DYNC2H1: variants seen among roughly 807,000 people sequenced by gnomAD.
DYNC2H1 encodes the protein cytoplasmic dynein 2 heavy chain 1.
In DYNC2H1, 410 loss-of-function variants were observed where a neutral mutation model predicts 570.0. The observed-to-expected ratio is 0.72, with a 90% CI of 0.66 to 0.78. The LOEUF is 0.78. Ranked by LOEUF, DYNC2H1 falls within the 30% of genes least tolerant of loss-of-function variation. The pLI, the probability that DYNC2H1 is intolerant of heterozygous loss-of-function variation, is 0.00. For synonymous variants in DYNC2H1, 1,688 were observed against 1,677.6 expected, an observed-to-expected ratio of 1.01 and a Z score of -0.15; for missense variants, 4,865 against 5,046.4, an observed-to-expected ratio of 0.96 and a Z score of 1.09.
chr11:103,215,921 G>T, intron 55 of DYNC2H1, 63 bp downstream of exon 55: 1 of 1,538,618 alleles, frequency 6.5e-7, no homozygotes, highest in Non-Finnish European at 8.8e-7. Context: ...CTGATAGTCA[G>T]TGAAAAATAA....
intron 12 of DYNC2H1, 48 bp from the exon 13 acceptor site, chr11:103,128,862 T>C (rs1859127122): frequency 1.5e-6 from 2 of 1,352,352 alleles, no homozygotes; most frequent in Non-Finnish European, 2.0e-6. Flanking sequence ...AAATAAAAAA[T>C]TAAAAATGAA....
intron 82 of DYNC2H1, among the ~76,000 whole-genome samples, chr11:103,351,187 C>T (rs1454322184): frequency 6.6e-6 from 1 of 152,082 alleles, no homozygotes; most frequent in Non-Finnish European, 1.5e-5. Context: ...TTCAAAATGT[C>T]CTTACTCATG....
At chr11:103,218,951 A>G (rs1409309599) in intron 55 of DYNC2H1, among the ~76,000 whole-genome samples, 1 of 152,252 alleles carries the variant, frequency 6.6e-6, no homozygotes, top group African/African-American at 2.4e-5. Context: ...GGTTAATGGC[A>G]TAAAGAAAGT....
At chr11:103,273,856 T>C (rs1413042490) in intron 70 of DYNC2H1, among the ~76,000 whole-genome samples, 2 of 152,164 alleles carry the variant, frequency 1.3e-5, no homozygotes, top group Non-Finnish European at 2.9e-5. Context: ...GGTCAGGATA[T>C]CTTCTGTAAC....
chr11:103,303,308 G>A (rs1867130535), intron 76 of DYNC2H1, 55 bp downstream of exon 76: 1 of 1,552,858 alleles, frequency 6.4e-7, no homozygotes, highest in Non-Finnish European at 8.7e-7. Flanking sequence ...TCCCACACTT[G>A]ATGATATTGG....
At chr11:103,460,246 G>A (rs544060987) in intron 87 of DYNC2H1, among the ~76,000 whole-genome samples, 1 of 152,206 alleles carries the variant, frequency 6.6e-6, no homozygotes, top group East Asian at 1.9e-4. Flanking sequence ...ATTGTCAGGA[G>A]AGTGAGGGAA....
Position 103,156,618 on chromosome 11 carries a change from A to G in DYNC2H1, c.3975A>G (p.Val1325=). The change falls in exon 26 of 89, where the codon GTA becomes GTG. Residue 1325 remains valine (V), a synonymous_variant. Transcript: ENST00000375735. ...ATTATAAAGGATTTGAAGATAAAGTATCAATTTGGGAAAGAAAACTTGCAG... is the reference window on the plus strand; with the variant it reads ...ATTATAAAGGATTTGAAGATAAAGTGTCAATTTGGGAAAGAAAACTTGCAG... The part of the protein sequence containing the change: ...SPYYKGFEDK[V]SIWERKLAEL... 1 of 1,613,692 alleles carries G rather than the reference A, an allele frequency of 6.2e-7. No homozygotes were observed. Among genetic ancestry groups the G allele is most frequent in the South Asian group, 1.1e-5 (1 of 91,042 alleles).
chr11:103,215,627 C>A, intron 54 of DYNC2H1, 94 bp from the exon 55 acceptor site: 1 of 1,275,666 alleles, frequency 7.8e-7, no homozygotes, highest in South Asian at 2.0e-5. Context: ...ACACACTTAA[C>A]ATGTTTGCTT....
At chr11:103,111,205 A>G (rs1443093932) in intron 1 of DYNC2H1, among the ~76,000 whole-genome samples, 1 of 152,218 alleles carries the variant, frequency 6.6e-6, no homozygotes, top group Non-Finnish European at 1.5e-5. Flanking sequence ...ATTGTATTTA[A>G]TAAACATTTA....
chr11:103,311,485 A>C (rs910865252), intron 78 of DYNC2H1, among the ~76,000 whole-genome samples: 2 of 152,172 alleles, frequency 1.3e-5, no homozygotes, highest in African/African-American at 2.4e-5. Flanking sequence ...TGGAAATTCA[A>C]ATAGCAACTA....
intron 55 of DYNC2H1, among the ~76,000 whole-genome samples, chr11:103,219,304 A>G (rs1243810565): frequency 6.6e-6 from 1 of 152,228 alleles, no homozygotes; most frequent in Non-Finnish European, 1.5e-5. Flanking sequence ...ATACAAATTA[A>G]AATCATACCT....
At position 103,243,079 on chromosome 11, in the gene DYNC2H1, A is replaced by G. The variant is rs954799797; in HGVS notation, c.9820-614A>G. On this transcript the variant is annotated intron_variant, in intron 63 of 88. Transcript: ENST00000375735. This position sits in a 1 kb window ranked among gnomAD's most constrained non-coding sequence, Gnocchi z 4.8. ...TTTTAGTTCATTTCATTAGATCTTA[A>G]CCTACAGCCCATGTAATTTTCTCTT... 5.3e-5 allele frequency among the ~76,000 whole-genome samples: 8 copies of G among 152,022 alleles called. No individual in the cohort carries two copies. Among genetic ancestry groups the G allele is most frequent in the South Asian group, 4.1e-4 (2 of 4,826 alleles).
chr11:103,401,369 GAGAATAATAA>G (rs1315023461), intron 84 of DYNC2H1, among the ~76,000 whole-genome samples: 2 of 152,092 alleles, frequency 1.3e-5, no homozygotes, highest in Non-Finnish European at 2.9e-5. Flanking sequence ...TGAATTAGAA[GAGAATAATAA>G]TATAGGAAGA....
At position 103,257,624 on chromosome 11, in the gene DYNC2H1, TC is replaced by T; in HGVS notation, c.10483del (p.Leu3495TrpfsTer75). On this transcript the variant is annotated frameshift_variant, in exon 69 of 89. Coordinates refer to ENST00000375735, the MANE Select transcript of DYNC2H1 (RefSeq NM_001377.3). LOFTEE classifies it high-confidence loss of function. The stretch of plus-strand genomic sequence containing the variant: ...GATCCATAGGAACGGGATGCCTATC[TC>T]CCCCTGGCTGAGAGTGCCAGCAAGA... ...ISLDQERDAY[L>X]PLAESASKMY... 1.9e-6 allele frequency: 3 copies of T among 1,610,564 alleles called. No homozygotes were observed. The highest frequency in any genetic ancestry group is 2.2e-5 in the South Asian group (2 of 90,422).
At chr11:103,216,143 T>C (rs1863374734) in intron 55 of DYNC2H1, among the ~76,000 whole-genome samples, 1 of 152,228 alleles carries the variant, frequency 6.6e-6, no homozygotes, top group Non-Finnish European at 1.5e-5. Flanking sequence ...TTATTTCTTA[T>C]ACTCTGCCAT....
In DYNC2H1 at chr11:103,177,501, A is replaced by C; in HGVS notation, c.5875-55A>C. ...ACAAGTGTTACAGAATAAAAGCAGA[A>C]CTAAGTATGATTGAATATTATAAAT... On this transcript the variant is annotated intron_variant, in intron 37 of 88. Coordinates refer to ENST00000375735, the MANE Select transcript of DYNC2H1 (RefSeq NM_001377.3). The surrounding 1 kb of genome is among the most constrained non-coding windows in gnomAD (Gnocchi z 4.4). 5.2e-6 allele frequency: 8 copies of C among 1,534,690 alleles called. No individual in the cohort carries two copies. Among genetic ancestry groups the C allele is most frequent in the Non-Finnish European group, 6.1e-6 (7 of 1,139,628 alleles).
In DYNC2H1 at chr11:103,395,570, A is replaced by C. The variant is rs1942364709; in HGVS notation, c.12157-4093A>C. Among the ~76,000 whole-genome samples, 1 of 151,986 alleles carries C rather than the reference A, an allele frequency of 6.6e-6. No homozygotes were observed. The highest frequency in any genetic ancestry group is 2.4e-5 in the African/African-American group (1 of 41,386). ...AGCATCTCTTTATTATCACAGAATT[A>C]TTGCAGCTATTCTCTAATTTATGAT... is the stretch of plus-strand genomic sequence containing the variant. On this transcript the variant is annotated intron_variant, in intron 83 of 88. Coordinates refer to ENST00000375735, the MANE Select transcript of DYNC2H1 (RefSeq NM_001377.3). The surrounding 1 kb of genome is among the most constrained non-coding windows in gnomAD (Gnocchi z 4.3).
At position 103,147,881 on chromosome 11, in the gene DYNC2H1, A is replaced by G; in HGVS notation, c.2812A>G (p.Ile938Val). 1.3e-6 allele frequency: 2 copies of G among 1,595,452 alleles called. No individual in the cohort carries two copies. The highest frequency in any genetic ancestry group is 2.2e-5 in the South Asian group (2 of 90,202). The change falls in exon 19 of 89, where the codon ATA becomes GTA. Residue 938 changes from isoleucine (I) to valine (V), a missense_variant. Coordinates refer to ENST00000375735, the MANE Select transcript of DYNC2H1 (RefSeq NM_001377.3). ...DLLVLSLKKS[I>V]QAHLHEIDTF... is the part of the protein sequence containing the mutation. The stretch of plus-strand genomic sequence containing the variant: ...GCTTGTTCTTTCTTTGAAGAAGTCC[A>G]TACAGGGTAAATACACATTTTAATT...
At chr11:103,160,868 ATATTGTATCTAATAATTATGTC>A (rs1861063008) in intron 28 of DYNC2H1, 42 bp from the exon 29 acceptor site, 1 of 876,634 alleles carries the variant, frequency 1.1e-6, no homozygotes, top group Non-Finnish European at 1.7e-6. Context: ...TATGTGACAC[ATATTGTATCTAATAATTATGTC>A]TTTAATCCTT....
Sources: gnomAD v4.1 joint callset for allele counts (sites outside exome capture counted in the v4.1 genomes callset) on GRCh38, gnomAD v4.1.1 for gene constraint, Gnocchi (gnomAD v3.1) non-coding constraint, MANE v1.5 for transcripts, NCBI Gene and HGNC (gene_info 2026-07-23, HGNC 2026-07-21) for gene names.